Variants in DAB1 observed in about 807,000 individuals in gnomAD.
The protein encoded by DAB1 is disabled homolog 1.
Under a neutral mutation model 64.6 loss-of-function variants are expected in DAB1, and 15 were observed. That is an observed-to-expected ratio of 0.23 (90% CI 0.16 to 0.36). The LOEUF is 0.36. DAB1 is among the 10% of genes least tolerant of loss of function. The pLI, the probability that DAB1 is intolerant of heterozygous loss-of-function variation, is 1.00. For synonymous variants in DAB1, 235 were observed against 251.9 expected, an observed-to-expected ratio of 0.93 and a Z score of 0.64; for missense variants, 596 against 706.7, an observed-to-expected ratio of 0.84 and a Z score of 1.78.
At chr1:57,238,419 T>C (rs1375273986) in intron 2 of DAB1, among the ~76,000 whole-genome samples, 1 of 152,224 alleles carries the variant, frequency 6.6e-6, no homozygotes, top group Admixed American at 6.5e-5. Context: ...AGGTCATCCA[T>C]ACAAAGACAA....
At chr1:57,487,592 A>T (rs569408991) in intron 7 of DAB1, among the ~76,000 whole-genome samples, 1 of 152,314 alleles carries the variant, frequency 6.6e-6, no homozygotes, top group South Asian at 2.1e-4. Context: ...ATTCTTCCCC[A>T]TCTAATTCTA....
At chr1:57,886,163 C>CTTT (rs36101963), upstream of DAB1, among the ~76,000 whole-genome samples, 23 of 129,462 alleles carry the variant, frequency 1.8e-4, no homozygotes, top group East Asian at 2.2e-4. Context: ...GCCTACTATT[C>CTTT]TTTTTTTTTT....
chr1:58,244,672 G>A (rs1040937121), intron 4 of DAB1, among the ~76,000 whole-genome samples: 1 of 152,126 alleles, frequency 6.6e-6, no homozygotes, highest in African/African-American at 2.4e-5. Context: ...CCTAGGACAT[G>A]TTACTTAATG....
chr1:57,172,476 A>G (rs536348244), intron 2 of DAB1, among the ~76,000 whole-genome samples: 71 of 152,312 alleles, frequency 4.7e-4, no homozygotes, highest in African/African-American at 1.7e-3. Flanking sequence ...TTGCATTGCT[A>G]TGAAGAAATG....
At chr1:58,528,440 G>T (rs61629658) in intron 1 of DAB1, among the ~76,000 whole-genome samples, 20,271 of 152,160 alleles carry the variant, frequency 0.13, 1,494 homozygotes, top group African/African-American at 0.19. Flanking sequence ...ATTGAGCCCT[G>T]ATTTGTGCCA....
intron 5 of DAB1, among the ~76,000 whole-genome samples, chr1:57,988,332 C>T (rs999783028): frequency 1.6e-4 from 24 of 152,238 alleles, no homozygotes; most frequent in African/African-American, 5.8e-4. Flanking sequence ...CCCACTCACT[C>T]TGTGGCTGTG....
At chr1:57,413,975 A>G (rs1684310445) in intron 1 of DAB1, among the ~76,000 whole-genome samples, 1 of 152,214 alleles carries the variant, frequency 6.6e-6, no homozygotes, top group Admixed American at 6.5e-5. Context: ...GAATTGCTGT[A>G]GTCTCATGCT....
intron 7 of DAB1, among the ~76,000 whole-genome samples, chr1:57,596,800 G>A (rs1434510721): frequency 5.3e-5 from 8 of 152,176 alleles, no homozygotes; most frequent in Non-Finnish European, 1.0e-4. Context: ...AACACAGCGC[G>A]TGGATAGAAT....
At chr1:58,060,966 C>A (rs770754524) in intron 5 of DAB1, among the ~76,000 whole-genome samples, 16 of 152,202 alleles carry the variant, frequency 1.1e-4, no homozygotes, top group Non-Finnish European at 1.9e-4. Flanking sequence ...CTGCTGCTTC[C>A]TCCAGTGCTG....
intron 6 of DAB1, among the ~76,000 whole-genome samples, chr1:57,689,141 A>G (rs992160434): frequency 2.0e-5 from 3 of 152,222 alleles, no homozygotes; most frequent in African/African-American, 7.2e-5. Flanking sequence ...ATTCCTTCCC[A>G]GCTAATTAAA....
chr1:57,385,638 ATG>A (rs1289472095), intron 1 of DAB1, among the ~76,000 whole-genome samples: 5 of 152,222 alleles, frequency 3.3e-5, no homozygotes, highest in Non-Finnish European at 7.3e-5. Context: ...AAGAGACAGC[ATG>A]ACATACTCAG....
At chr1:57,928,246 C>A (rs146159511) in intron 5 of DAB1, among the ~76,000 whole-genome samples, 2,720 of 152,130 alleles carry the variant, frequency 0.018, 32 homozygotes, top group Middle Eastern at 0.065. Flanking sequence ...CAGACTCTAG[C>A]CCTATCCCCC....
intron 5 of DAB1, among the ~76,000 whole-genome samples, chr1:58,070,646 G>A (rs998023616): frequency 6.6e-6 from 1 of 152,204 alleles, no homozygotes; most frequent in African/African-American, 2.4e-5. Context: ...GAAGTACATT[G>A]TGTGAGATGG....
chr1:58,219,982 T>G (rs1659072578), intron 4 of DAB1, among the ~76,000 whole-genome samples: 1 of 152,258 alleles, frequency 6.6e-6, no homozygotes, highest in South Asian at 2.1e-4. Flanking sequence ...CTCAGTTTCC[T>G]CATCTCTAAA....
intron 5 of DAB1, among the ~76,000 whole-genome samples, chr1:58,148,450 C>T (rs57803981): frequency 0.016 from 2,415 of 152,322 alleles, 57 homozygotes; most frequent in African/African-American, 0.055. Context: ...CCTCTGTCTG[C>T]CTCTTGACTT....
intron 5 of DAB1, among the ~76,000 whole-genome samples, chr1:58,000,731 C>T (rs1022930567): frequency 2.6e-5 from 4 of 151,886 alleles, no homozygotes; most frequent in African/African-American, 4.8e-5. Context: ...CCACTGCACC[C>T]AGCTAATCCT....
intron 11 of DAB1, among the ~76,000 whole-genome samples, chr1:57,017,698 T>C (rs892744900): frequency 6.6e-5 from 10 of 152,126 alleles, no homozygotes; most frequent in African/African-American, 2.4e-5. Context: ...ATGGAGAATA[T>C]CTTGTAAGAC....
chr1:58,336,290 G>C (rs1176044471), intron 4 of DAB1, among the ~76,000 whole-genome samples: 1 of 152,180 alleles, frequency 6.6e-6, no homozygotes, highest in Non-Finnish European at 1.5e-5. Context: ...GTCATATTCT[G>C]TTCTGGCGTT....
chr1:58,294,868 GT>G, intron 4 of DAB1, among the ~76,000 whole-genome samples: 1 of 104,982 alleles, frequency 9.5e-6, no homozygotes, highest in Non-Finnish European at 1.7e-5. Flanking sequence ...TCCAGAACGT[GT>G]GTGTGTGTGT....
Sources: allele counts gnomAD v4.1 joint callset (sites outside exome capture counted in the v4.1 genomes callset), GRCh38; gene constraint gnomAD v4.1.1; transcripts MANE v1.5; gene names NCBI Gene and HGNC (gene_info 2026-07-23, HGNC 2026-07-21).